NXPH2: variants seen among roughly 807,000 people sequenced by gnomAD.
NXPH2 encodes neurexophilin 2, also known as neurexophilin-2.
In NXPH2, 5 loss-of-function variants were observed where a neutral mutation model predicts 19.8. The observed-to-expected ratio is 0.25, with a 90% CI of 0.13 to 0.53. The LOEUF (loss-of-function observed/expected upper bound fraction) is 0.53, where lower values mean the gene tolerates loss of function less well. Ranked by LOEUF, NXPH2 falls within the 20% of genes least tolerant of loss-of-function variation. The pLI is 0.96. For missense variants in NXPH2, 289 were observed against 322.8 expected (o/e 0.90, Z 0.80); for synonymous variants, 154 against 127.4 (o/e 1.21, Z -1.41).
At chr2:138,709,684 C>T (rs1681067929) in intron 1 of NXPH2, among the ~76,000 whole-genome samples, 1 of 152,136 alleles carries the variant, frequency 6.6e-6, no homozygotes, top group Non-Finnish European at 1.5e-5. Flanking sequence ...CTATTCATCC[C>T]GTCCTCTCCC....
intron 1 of NXPH2, among the ~76,000 whole-genome samples, chr2:138,708,196 C>G (rs1681046160): frequency 6.6e-6 from 1 of 152,072 alleles, no homozygotes; most frequent in African/African-American, 2.4e-5. Flanking sequence ...ACAGGAAAGC[C>G]GATCTGGAAA....
intron 1 of NXPH2, among the ~76,000 whole-genome samples, chr2:138,749,190 C>T (rs990118341): frequency 6.6e-6 from 1 of 152,068 alleles, no homozygotes; most frequent in East Asian, 1.9e-4. Context: ...AAGTGTTTGG[C>T]AAGTTCCTCC....
At chr2:138,758,942 T>C (rs1681957981) in intron 1 of NXPH2, among the ~76,000 whole-genome samples, 1 of 152,168 alleles carries the variant, frequency 6.6e-6, no homozygotes, top group Non-Finnish European at 1.5e-5. Context: ...ATAAAACTTA[T>C]CATCTCAGGT....
intron 1 of NXPH2, among the ~76,000 whole-genome samples, chr2:138,773,848 T>C (rs1268429857): frequency 6.6e-6 from 1 of 152,210 alleles, no homozygotes; most frequent in African/African-American, 2.4e-5. Context: ...ATTTACGTGC[T>C]TACAGTTGGA....
chr2:138,712,658 G>A (rs1681121945), intron 1 of NXPH2, among the ~76,000 whole-genome samples: 1 of 152,158 alleles, frequency 6.6e-6, no homozygotes, highest in African/African-American at 2.4e-5. Flanking sequence ...AGAAGGCAAT[G>A]CTTCCTTCCC....
At chr2:138,713,731 A>T (rs1681144958) in intron 1 of NXPH2, among the ~76,000 whole-genome samples, 1 of 152,118 alleles carries the variant, frequency 6.6e-6, no homozygotes, top group South Asian at 2.1e-4. Context: ...TAGAACTGCG[A>T]CAGGACAGCA....
chr2:138,721,339 G>GAAA (rs141871590), intron 1 of NXPH2, among the ~76,000 whole-genome samples: 1 of 141,128 alleles, frequency 7.1e-6, no homozygotes, highest in African/African-American at 2.6e-5. Flanking sequence ...GACTCCGTCT[G>GAAA]AAAAAAAAAA....
intron 1 of NXPH2, among the ~76,000 whole-genome samples, chr2:138,699,295 T>C (rs993657392): frequency 6.6e-6 from 1 of 152,146 alleles, no homozygotes; most frequent in African/African-American, 2.4e-5. Flanking sequence ...ATGAAAGTGC[T>C]GCCCTATAGC....
chr2:138,700,419 C>A (rs139658921), intron 1 of NXPH2, among the ~76,000 whole-genome samples: 1 of 152,164 alleles, frequency 6.6e-6, no homozygotes, highest in Non-Finnish European at 1.5e-5. Flanking sequence ...ATATTACTAA[C>A]AATTACTGCT....
At chr2:138,690,109 T>C (rs1394914108) in intron 1 of NXPH2, among the ~76,000 whole-genome samples, 1 of 152,174 alleles carries the variant, frequency 6.6e-6, no homozygotes, top group African/African-American at 2.4e-5. Context: ...CTGCAAACGT[T>C]TTCTACTCCC....
chr2:138,685,113 T>G (rs1331554663), intron 1 of NXPH2, among the ~76,000 whole-genome samples: 1 of 152,226 alleles, frequency 6.6e-6, no homozygotes, highest in Non-Finnish European at 1.5e-5. Flanking sequence ...TCTTGATTAT[T>G]GGGGTTGGCC....
intron 1 of NXPH2, among the ~76,000 whole-genome samples, chr2:138,690,477 T>G (rs1200243015): frequency 1.3e-5 from 2 of 152,178 alleles, no homozygotes. Context: ...CATTAAATGG[T>G]TAAGAAGGTG....
intron 1 of NXPH2, among the ~76,000 whole-genome samples, chr2:138,697,368 T>A (rs1159660094): frequency 6.6e-6 from 1 of 152,106 alleles, no homozygotes; most frequent in Non-Finnish European, 1.5e-5. Flanking sequence ...AAATTTGAAA[T>A]AAATGATGCC....
At chr2:138,713,304 AT>A (rs1346589569) in intron 1 of NXPH2, among the ~76,000 whole-genome samples, 2 of 152,082 alleles carry the variant, frequency 1.3e-5, no homozygotes, top group African/African-American at 4.8e-5. Flanking sequence ...TTCTAGGAGG[AT>A]TTGTTGTTGA....
At position 138,772,673 on chromosome 2, in the gene NXPH2, G is replaced by C. The variant is rs561882541; in HGVS notation, c.51+7518C>G. Among the ~76,000 whole-genome samples the C allele has an allele frequency of 1.2e-4, 19 of 152,276 alleles. 1 individual carries two copies. The highest frequency in any genetic ancestry group is 4.1e-4 in the African/African-American group (17 of 41,562). On this transcript the variant is annotated intron_variant, in intron 1 of 1. Coordinates refer to ENST00000272641, the MANE Select transcript of NXPH2 (RefSeq NM_007226.3). ...TTCATTTGTTCTATTCAACTTATTT[G>C]ACTTTATGGCAAAGCTAAGATGAAT...
intron 1 of NXPH2, among the ~76,000 whole-genome samples, chr2:138,675,004 C>T (rs1271607498): frequency 6.6e-6 from 1 of 152,180 alleles, no homozygotes; most frequent in African/African-American, 2.4e-5. Flanking sequence ...TCACTCCCAC[C>T]TTCCTTCTCC....
intron 1 of NXPH2, among the ~76,000 whole-genome samples, chr2:138,744,810 T>C (rs1157091214): frequency 1.3e-5 from 2 of 152,214 alleles, no homozygotes; most frequent in East Asian, 1.9e-4. Context: ...TCAAGCTCAC[T>C]TCTTCCCTGC....
rs572568445 is a variant in NXPH2, at chr2:138,764,815, A to T, written c.51+15376T>A. Among the ~76,000 whole-genome samples the T allele has an allele frequency of 2.0e-5, 3 of 152,374 alleles. No homozygotes were observed. In the South Asian group the frequency reaches 6.2e-4, roughly 32 times the overall value. ...TGAATTGAAACTCTCATTCTTAAAAATACCTGATTTATCAGGAAGAAATAA... is the reference window on the plus strand; with the variant it reads ...TGAATTGAAACTCTCATTCTTAAAATTACCTGATTTATCAGGAAGAAATAA... On this transcript the variant is annotated intron_variant, in intron 1 of 1. Transcript: ENST00000272641.
intron 1 of NXPH2, among the ~76,000 whole-genome samples, chr2:138,776,381 A>G (rs939855796): frequency 2.0e-5 from 3 of 152,078 alleles, no homozygotes; most frequent in Admixed American, 2.0e-4. Context: ...CAATAAAATA[A>G]TTTCCCAAGC....
Sources: gnomAD v4.1 joint callset for allele counts (sites outside exome capture counted in the v4.1 genomes callset) on GRCh38, gnomAD v4.1.1 for gene constraint, MANE v1.5 for transcripts, NCBI Gene and HGNC (gene_info 2026-07-23, HGNC 2026-07-21) for gene names.